Variants in CSMD1 observed in about 807,000 individuals in gnomAD.
CSMD1 encodes CUB and sushi domain-containing protein 1.
Under a neutral mutation model 417.5 loss-of-function variants are expected in CSMD1, and 213 were observed. The ratio of observed to expected loss-of-function variants is 0.51; its 90% confidence interval spans 0.46 to 0.57. The LOEUF (loss-of-function observed/expected upper bound fraction) is 0.57, where lower values mean the gene tolerates loss of function less well. Among genes scored for constraint, CSMD1 ranks in the 20% least tolerant of loss-of-function variants. The probability of loss-of-function intolerance (pLI) is 0.00; values close to 1 mark genes in which losing one functional copy is unlikely to be tolerated. For synonymous variants in CSMD1, 2,862 were observed against 1,736.8 expected, an observed-to-expected ratio of 1.65 and a Z score of -16.11; for missense variants, 6,923 against 4,529.7, an observed-to-expected ratio of 1.53 and a Z score of -15.17.
At chr8:4,628,415 T>C (rs527462095) in intron 2 of CSMD1, among the ~76,000 whole-genome samples, 3 of 127,344 alleles carry the variant, frequency 2.4e-5, no homozygotes, top group Non-Finnish European at 1.6e-5. Flanking sequence ...TACACATATA[T>C]ATACATATAT....
chr8:3,836,513 A>T (rs1017543033), intron 5 of CSMD1, among the ~76,000 whole-genome samples: 1 of 152,172 alleles, frequency 6.6e-6, no homozygotes, highest in Non-Finnish European at 1.5e-5. Context: ...TTTAAGCCAC[A>T]TCTTACCCTT....
intron 5 of CSMD1, among the ~76,000 whole-genome samples, chr8:3,964,061 G>T (rs558288789): frequency 6.6e-6 from 1 of 152,330 alleles, no homozygotes; most frequent in South Asian, 2.1e-4. Flanking sequence ...AGCACAGCAT[G>T]AGGTGCTTGC....
rs532938207 is a variant in CSMD1 at position 4,144,208 on chromosome 8, T to C, written c.416-112109A>G. On this transcript the variant is annotated intron_variant, in intron 3 of 69. Transcript: ENST00000635120. ...CCTTAGACCTCCTGCCCCTAGATCTTGGGCTTCTTCCTTGATTCAGCACAA... is the reference window on the plus strand; with the variant it reads ...CCTTAGACCTCCTGCCCCTAGATCTCGGGCTTCTTCCTTGATTCAGCACAA... Among the ~76,000 whole-genome samples, 4 of 151,002 alleles carry C rather than the reference T, an allele frequency of 2.6e-5. No individual in the cohort carries two copies. In the South Asian group the frequency reaches 8.3e-4, roughly 31 times the overall value.
chr8:4,163,772 T>C (rs1420451729), intron 3 of CSMD1, among the ~76,000 whole-genome samples: 1 of 152,200 alleles, frequency 6.6e-6, no homozygotes, highest in Non-Finnish European at 1.5e-5. Context: ...ATTTTGGAAA[T>C]GTAATGACTT....
chr8:3,754,048 G>T lies in CSMD1; in HGVS notation c.819-6C>A. ...GGAGGTTCATGCCAGTTAGCCTAGA[G>T]AAGAGAAAGAGGAAAAAAATCTCCC... On this transcript the variant is annotated splice_region_variant and splice_polypyrimidine_tract_variant and intron_variant, in intron 5 of 69. Coordinates refer to ENST00000635120, the MANE Select transcript of CSMD1 (RefSeq NM_033225.6). 6.2e-7 allele frequency: 1 copy of T among 1,600,086 alleles called. No individual in the cohort carries two copies. Among genetic ancestry groups the T allele is most frequent in the African/African-American group, 1.4e-5 (1 of 73,332 alleles).
At chr8:3,112,047 T>C (rs1816553016) in intron 42 of CSMD1, among the ~76,000 whole-genome samples, 2 of 152,012 alleles carry the variant, frequency 1.3e-5, no homozygotes, top group African/African-American at 4.8e-5. Flanking sequence ...GCTCCGGCTC[T>C]AGAGGTCCAG....
intron 5 of CSMD1, among the ~76,000 whole-genome samples, chr8:3,921,358 TCA>T: frequency 6.6e-6 from 1 of 152,210 alleles, no homozygotes; most frequent in East Asian, 1.9e-4. Flanking sequence ...TCAGTATTTT[TCA>T]TTTTTCTTTA....
intron 2 of CSMD1, among the ~76,000 whole-genome samples, chr8:4,566,642 G>C (rs1340828218): frequency 9.6e-6 from 1 of 103,766 alleles, no homozygotes; most frequent in African/African-American, 3.9e-5. Flanking sequence ...GACAGAGGGA[G>C]ACTCTGACTC....
intron 6 of CSMD1, among the ~76,000 whole-genome samples, chr8:3,740,326 G>A (rs557095330): frequency 7.9e-5 from 12 of 152,188 alleles, no homozygotes; most frequent in African/African-American, 2.2e-4. Context: ...GGCTGGTCTC[G>A]AACTCCTTAA....
intron 5 of CSMD1, among the ~76,000 whole-genome samples, chr8:3,969,233 G>A (rs191665459): frequency 1.4e-4 from 22 of 152,314 alleles, no homozygotes; most frequent in African/African-American, 4.8e-4. Context: ...CTGGGTGACA[G>A]AGTGAGACTC....
intron 1 of CSMD1, among the ~76,000 whole-genome samples, chr8:4,800,664 G>A (rs1308267852): frequency 6.6e-6 from 1 of 152,166 alleles, no homozygotes; most frequent in Non-Finnish European, 1.5e-5. Flanking sequence ...TGGAGCCTCA[G>A]AGTTGTCCAG....
chr8:3,072,331 C>G (rs1349784378), intron 49 of CSMD1, among the ~76,000 whole-genome samples: 2 of 152,160 alleles, frequency 1.3e-5, no homozygotes, highest in Non-Finnish European at 2.9e-5. Context: ...AACAAATGCT[C>G]TGAATTAGAA....
intron 5 of CSMD1, among the ~76,000 whole-genome samples, chr8:3,910,873 C>T (rs1302605960): frequency 6.6e-6 from 1 of 152,160 alleles, no homozygotes; most frequent in Non-Finnish European, 1.5e-5. Flanking sequence ...CAATGAATTT[C>T]AAGAGAACTG....
intron 49 of CSMD1, among the ~76,000 whole-genome samples, chr8:3,079,160 G>C (rs1436982601): frequency 6.6e-6 from 1 of 152,108 alleles, no homozygotes; most frequent in African/African-American, 2.4e-5. Flanking sequence ...GATTGTGTGA[G>C]GTAGATTTAA....
chr8:3,526,658 C>G (rs1172177020), intron 10 of CSMD1, among the ~76,000 whole-genome samples: 1 of 152,170 alleles, frequency 6.6e-6, no homozygotes, highest in Non-Finnish European at 1.5e-5. Flanking sequence ...ATATTTTACA[C>G]TATTTGCCCG....
At position 3,668,717 on chromosome 8, in the gene CSMD1, G is replaced by C. The variant is rs1245101778; in HGVS notation, c.1009+39697C>G. ...GAAGTCTAGACACAGAGATGGATGA[G>C]TTGGGAGCTCAGGAGGGGCCAACGC... is the stretch of plus-strand genomic sequence containing the variant. On this transcript the variant is annotated intron_variant, in intron 7 of 69. Coordinates refer to ENST00000635120, the MANE Select transcript of CSMD1 (RefSeq NM_033225.6). Among the ~76,000 whole-genome samples, 2 of 152,294 alleles carry C rather than the reference G, an allele frequency of 1.3e-5. 1 individual carries two copies. Among genetic ancestry groups the C allele is most frequent in the East Asian group, 3.9e-4 (2 of 5,166 alleles).
rs190046329 is a variant in CSMD1, at chr8:4,728,885, G to C, written c.86-91327C>G. On this transcript the variant is annotated intron_variant, in intron 1 of 69. Transcript: ENST00000635120. ...AAAGAGGGGAAGGGGAGAATTATTGGAGGGAGAAAGAAGGAATTTGTCTTT... is the reference window on the plus strand; with the variant it reads ...AAAGAGGGGAAGGGGAGAATTATTGCAGGGAGAAAGAAGGAATTTGTCTTT... Among the ~76,000 whole-genome samples, 11 of 152,304 alleles carry C rather than the reference G, an allele frequency of 7.2e-5. No homozygotes were observed. In the South Asian group the frequency reaches 1.0e-3, roughly 14 times the overall value.
intron 48 of CSMD1, among the ~76,000 whole-genome samples, 200 bp from the exon 49 acceptor site, chr8:3,087,485 G>A (rs1305902939): frequency 6.6e-6 from 1 of 152,192 alleles, no homozygotes; most frequent in African/African-American, 2.4e-5. Context: ...AAGTTGAGAT[G>A]ATCTGCAGCT....
intron 2 of CSMD1, among the ~76,000 whole-genome samples, chr8:4,452,049 G>A (rs530843562): frequency 6.6e-6 from 1 of 151,926 alleles, no homozygotes; most frequent in South Asian, 2.1e-4. Context: ...AGGGGTGGAA[G>A]AGGAAGATTA....
Sources: allele counts gnomAD v4.1 joint callset (sites outside exome capture counted in the v4.1 genomes callset), GRCh38; gene constraint gnomAD v4.1.1; transcripts MANE v1.5; gene names NCBI Gene and HGNC (gene_info 2026-07-23, HGNC 2026-07-21).